The following NBEA variants were observed in gnomAD, a reference collection of about 807,000 sequenced individuals.
The protein encoded by NBEA is lysosomal-trafficking regulator 2.
A neutral mutation model predicts 343.4 loss-of-function variants in NBEA; 44 were observed. The observed-to-expected ratio is 0.13, with a 90% CI of 0.10 to 0.16. NBEA has a LOEUF of 0.16. NBEA is among the 10% of genes least tolerant of loss of function. The probability of loss-of-function intolerance (pLI) is 1.00; values close to 1 mark genes in which losing one functional copy is unlikely to be tolerated. For missense variants in NBEA, 2,555 were observed against 3,631.3 expected (o/e 0.70, Z 7.62); for synonymous variants, 1,175 against 1,238.7 (o/e 0.95, Z 1.08).
intron 38 of NBEA, among the ~76,000 whole-genome samples, chr13:35,394,783 A>G (rs1395771778): frequency 6.6e-6 from 1 of 151,870 alleles, no homozygotes; most frequent in Non-Finnish European, 1.5e-5. Flanking sequence ...TTCTTTTTCT[A>G]CTTATATTAG....
At chr13:35,066,781 G>A (rs960571160) in intron 8 of NBEA, among the ~76,000 whole-genome samples, 2 of 151,788 alleles carry the variant, frequency 1.3e-5, no homozygotes, top group African/African-American at 4.8e-5. Context: ...TGTGATTATC[G>A]ATAATTAGGT....
At position 35,159,513 on chromosome 13, in the gene NBEA, T is replaced by A. The variant is rs370663928; in HGVS notation, c.3342T>A (p.Ser1114Arg). 6.2e-7 allele frequency: 1 copy of A among 1,613,096 alleles called. No homozygotes were observed. Among genetic ancestry groups the A allele is most frequent in the Non-Finnish European group, 8.5e-7 (1 of 1,179,600 alleles). ...VEKLQNNVHGSVGIIKKNEEK... is the reference protein window; with the variant it reads ...VEKLQNNVHGRVGIIKKNEEK... ...AACTCCAGAACAATGTACATGGAAG[T>A]GTTGGTATCATTAAAAAAAATGAAG... The change falls in exon 22 of 59, where the codon AGT becomes AGA. Residue 1114 changes from serine (S) to arginine (R), a missense_variant. By Grantham distance (110) the Ser-to-Arg change is moderately radical. This residue lies in a region of NBEA where 367 missense variants were observed against 377.5 expected (regional missense o/e 0.97). Coordinates refer to ENST00000379939, the MANE Select transcript of NBEA (RefSeq NM_001385012.1).
intron 35 of NBEA, among the ~76,000 whole-genome samples, chr13:35,295,027 A>G (rs2036031559): frequency 6.6e-6 from 1 of 150,980 alleles, no homozygotes; most frequent in Non-Finnish European, 1.5e-5. Flanking sequence ...CATAACATAC[A>G]CTAACACTAA....
At chr13:35,066,602 C>A (rs2152571880) in intron 8 of NBEA, among the ~76,000 whole-genome samples, 1 of 152,156 alleles carries the variant, frequency 6.6e-6, no homozygotes, top group Non-Finnish European at 1.5e-5. Context: ...GATATTAGCA[C>A]AGCCATTCCA....
intron 35 of NBEA, among the ~76,000 whole-genome samples, chr13:35,307,094 G>T (rs2036940870): frequency 6.6e-6 from 1 of 152,002 alleles, no homozygotes; most frequent in Non-Finnish European, 1.5e-5. Flanking sequence ...TCCTGGTCAT[G>T]TACATTGAAA....
chr13:35,402,994 C>G (rs1299975020), intron 38 of NBEA, among the ~76,000 whole-genome samples: 1 of 152,036 alleles, frequency 6.6e-6, no homozygotes, highest in African/African-American at 2.4e-5. Flanking sequence ...ACTTCCACCT[C>G]ACTTAGTGGA....
intron 41 of NBEA, among the ~76,000 whole-genome samples, chr13:35,484,270 G>GTATA (rs1203247087): frequency 9.8e-5 from 12 of 121,994 alleles, no homozygotes; most frequent in South Asian, 2.7e-4. Context: ...GTGTGTGTGT[G>GTATA]TGTGTATATA....
chr13:35,021,376 A>T (rs1161539780), intron 1 of NBEA, among the ~76,000 whole-genome samples: 1 of 152,148 alleles, frequency 6.6e-6, no homozygotes, highest in Non-Finnish European at 1.5e-5. Flanking sequence ...TTGTAGACAG[A>T]TTGTAATGGA....
At chr13:34,951,096 A>G (rs1362505366) in intron 1 of NBEA, among the ~76,000 whole-genome samples, 1 of 152,220 alleles carries the variant, frequency 6.6e-6, no homozygotes, top group Admixed American at 6.5e-5. Context: ...ACCAATATGT[A>G]TCAAGGATTT....
At chr13:35,654,763 A>C in intron 53 of NBEA, 92 bp from the exon 54 acceptor site, 1 of 970,088 alleles carries the variant, frequency 1.0e-6, no homozygotes, top group Non-Finnish European at 1.5e-6. Flanking sequence ...TTCTGGATAA[A>C]TGAAGCATGA....
At chr13:35,616,918 C>T (rs2082763713) in intron 48 of NBEA, among the ~76,000 whole-genome samples, 1 of 152,184 alleles carries the variant, frequency 6.6e-6, no homozygotes, top group Non-Finnish European at 1.5e-5. Context: ...ATAAGCCTCA[C>T]GGTGTAGCAT....
chr13:35,506,187 A>G (rs2077066137), intron 41 of NBEA, among the ~76,000 whole-genome samples: 1 of 152,068 alleles, frequency 6.6e-6, no homozygotes, highest in Non-Finnish European at 1.5e-5. Flanking sequence ...CTCAGCCTTC[A>G]GAGTAGCTGG....
At chr13:35,123,951 C>T (rs1250489280) in intron 17 of NBEA, among the ~76,000 whole-genome samples, 3 of 152,026 alleles carry the variant, frequency 2.0e-5, no homozygotes, top group Non-Finnish European at 4.4e-5. Context: ...TGATCTTATG[C>T]TTACATGCTG....
intron 1 of NBEA, among the ~76,000 whole-genome samples, chr13:34,980,434 T>G (rs2060319031): frequency 7.1e-6 from 1 of 141,524 alleles, no homozygotes; most frequent in Non-Finnish European, 1.5e-5. Context: ...TTATTACATT[T>G]TATTACATTT....
intron 16 of NBEA, among the ~76,000 whole-genome samples, chr13:35,119,998 C>G (rs2066707853): frequency 6.6e-6 from 1 of 152,110 alleles, no homozygotes; most frequent in African/African-American, 2.4e-5. Context: ...AGTACAATTA[C>G]TCTCACTCTT....
intron 49 of NBEA, among the ~76,000 whole-genome samples, chr13:35,639,918 G>A (rs892135525): frequency 4.0e-5 from 6 of 149,326 alleles, no homozygotes; most frequent in South Asian, 4.2e-4. Flanking sequence ...TAGACCTGAC[G>A]GCATTTCATC....
intron 38 of NBEA, among the ~76,000 whole-genome samples, chr13:35,359,832 ATGTGTGTGTG>A (rs60793996): frequency 2.1e-5 from 3 of 144,562 alleles, no homozygotes; most frequent in Admixed American, 1.4e-4. Flanking sequence ...GTGTGTGTGT[ATGTGTGTGTG>A]TGTGTGTGTG....
chr13:34,953,395 C>G (rs1453620634), intron 1 of NBEA, among the ~76,000 whole-genome samples: 1 of 151,894 alleles, frequency 6.6e-6, no homozygotes, highest in African/African-American at 2.4e-5. Flanking sequence ...AAGAATGTTC[C>G]TTTTATTATA....
At chr13:35,099,514 G>A (rs577642712) in intron 11 of NBEA, among the ~76,000 whole-genome samples, 11 of 151,954 alleles carry the variant, frequency 7.2e-5, no homozygotes, top group Non-Finnish European at 1.0e-4. Flanking sequence ...ACTGTATCTC[G>A]AAAGTCTTTT....
Sources: gnomAD v4.1 joint callset for allele counts (sites outside exome capture counted in the v4.1 genomes callset) on GRCh38, gnomAD v4.1.1 for gene constraint, gnomAD v4.1.1 regional missense constraint, MANE v1.5 for transcripts, NCBI Gene and HGNC (gene_info 2026-07-23, HGNC 2026-07-21) for gene names.